Variants in PSMD14 observed in about 807,000 individuals in gnomAD.
PSMD14 encodes the protein proteasome 26S subunit, non-ATPase 14.
PSMD14 carries 7 observed loss-of-function variants against 41.2 expected under a neutral mutation model. The observed-to-expected ratio is 0.17, with a 90% CI of 0.10 to 0.32. PSMD14 has a LOEUF of 0.32. PSMD14 is among the 10% of genes least tolerant of loss of function. The pLI, the probability that PSMD14 is intolerant of heterozygous loss-of-function variation, is 1.00. For missense variants in PSMD14, 139 were observed against 375.6 expected (o/e 0.37, Z 5.21); for synonymous variants, 114 against 122.3 (o/e 0.93, Z 0.45).
intron 3 of PSMD14, among the ~76,000 whole-genome samples, chr2:161,352,467 G>T (rs1683132586): frequency 6.6e-6 from 1 of 151,970 alleles, no homozygotes; most frequent in Non-Finnish European, 1.5e-5. Flanking sequence ...CTTTTATTTT[G>T]CCACTAGAAT....
chr2:161,400,760 G>C lies in PSMD14; in HGVS notation c.771+5557G>C, dbSNP rs1436474821. Among the ~76,000 whole-genome samples the C allele has an allele frequency of 2.0e-5, 3 of 151,888 alleles. No homozygotes were observed. The East Asian group carries it at 5.8e-4, about 29-fold the overall frequency. ...GGGGTTTCACTCTGTTGCCTAGGCT[G>C]GTCTTGAACTCCTGGGCTCCAGCAA... On this transcript the variant is annotated intron_variant, in intron 10 of 11. Coordinates refer to ENST00000409682, the MANE Select transcript of PSMD14 (RefSeq NM_005805.6).
chr2:161,405,932 T>A (rs566148632), intron 10 of PSMD14, among the ~76,000 whole-genome samples: 1 of 152,044 alleles, frequency 6.6e-6, no homozygotes, highest in Non-Finnish European at 1.5e-5. Context: ...AAGCAAAGGC[T>A]AAGGGAATAG....
intron 8 of PSMD14, 82 bp downstream of exon 8, chr2:161,385,653 C>A: frequency 1.5e-6 from 1 of 681,134 alleles, no homozygotes; most frequent in Non-Finnish European, 2.4e-6. Context: ...AGTTCTAATT[C>A]TTAGCATTTT....
intron 3 of PSMD14, among the ~76,000 whole-genome samples, chr2:161,321,940 G>A (rs1477436742): frequency 6.6e-6 from 1 of 152,144 alleles, no homozygotes; most frequent in Non-Finnish European, 1.5e-5. Context: ...CGGCATACAT[G>A]AGCTTGATTG....
intron 10 of PSMD14, among the ~76,000 whole-genome samples, chr2:161,398,864 A>T (rs1194930897): frequency 1.3e-5 from 2 of 152,218 alleles, no homozygotes; most frequent in South Asian, 4.1e-4. Context: ...TGATAAAAAC[A>T]ACAGATATAA....
chr2:161,317,984 A>G (rs1008247695), intron 2 of PSMD14, among the ~76,000 whole-genome samples: 1 of 152,164 alleles, frequency 6.6e-6, no homozygotes, highest in Non-Finnish European at 1.5e-5. Context: ...TTAAGGCCAT[A>G]TAAGTACACT....
chr2:161,407,199 A>G (rs1299374719), intron 10 of PSMD14, among the ~76,000 whole-genome samples: 3 of 152,118 alleles, frequency 2.0e-5, no homozygotes, highest in Non-Finnish European at 4.4e-5. Flanking sequence ...TAATTTAGAA[A>G]AACATACTCT....
At chr2:161,390,480 T>C (rs1369459044) in intron 8 of PSMD14, among the ~76,000 whole-genome samples, 1 of 152,134 alleles carries the variant, frequency 6.6e-6, no homozygotes, top group African/African-American at 2.4e-5. Context: ...AAAGCCATGC[T>C]ATTAGCTTAA....
chr2:161,406,397 G>A lies in PSMD14; in HGVS notation c.772-2440G>A, dbSNP rs574161081. 9.2e-4 allele frequency among the ~76,000 whole-genome samples: 140 copies of A among 152,264 alleles called. 1 individual carries two copies. The highest frequency in any genetic ancestry group is 2.9e-3 in the African/African-American group (121 of 41,560). ...GTTGGTTGAGTAAACCGAAGAGCAC[G>A]AATGCAAAAGCAAAATTTGACGCCA... is the stretch of plus-strand genomic sequence containing the variant. On this transcript the variant is annotated intron_variant, in intron 10 of 11. Transcript: ENST00000409682.
intron 7 of PSMD14, among the ~76,000 whole-genome samples, chr2:161,376,922 A>G (rs1460688805): frequency 6.6e-6 from 1 of 151,926 alleles, no homozygotes. Context: ...AGTTTTTAGC[A>G]TATCCAAAAA....
intron 3 of PSMD14, among the ~76,000 whole-genome samples, chr2:161,365,888 A>G (rs1223227718): frequency 6.6e-6 from 1 of 152,142 alleles, no homozygotes; most frequent in East Asian, 1.9e-4. Flanking sequence ...ACCAGAATCA[A>G]TTCCTTCTGT....
intron 9 of PSMD14, among the ~76,000 whole-genome samples, chr2:161,391,717 G>A (rs994671622): frequency 6.6e-6 from 1 of 151,936 alleles, no homozygotes; most frequent in African/African-American, 2.4e-5. Context: ...ACAGCCTCCC[G>A]AGTAGCTGGG....
intron 3 of PSMD14, among the ~76,000 whole-genome samples, chr2:161,361,621 AAAAG>A (rs1683290477): frequency 6.6e-6 from 1 of 152,252 alleles, no homozygotes; most frequent in Non-Finnish European, 1.5e-5. Context: ...ACTTATGAGA[AAAAG>A]AAAACATAAA....
chr2:161,391,019 A>T (rs981504791), intron 8 of PSMD14, 85 bp from the exon 9 acceptor site: 2 of 1,225,816 alleles, frequency 1.6e-6, no homozygotes, highest in South Asian at 2.1e-5. Context: ...TACAGGTATT[A>T]TGTAAGAATA....
intron 3 of PSMD14, among the ~76,000 whole-genome samples, chr2:161,331,683 T>C (rs1682793050): frequency 6.6e-6 from 1 of 152,178 alleles, no homozygotes; most frequent in Admixed American, 6.5e-5. Context: ...GGAATGTCAT[T>C]GTAACATCTA....
intron 3 of PSMD14, among the ~76,000 whole-genome samples, chr2:161,328,843 G>A (rs1682742451): frequency 6.6e-6 from 1 of 152,038 alleles, no homozygotes; most frequent in Non-Finnish European, 1.5e-5. Flanking sequence ...TCTCTCTTTA[G>A]TACACAAACA....
intron 3 of PSMD14, chr2:161,340,999 C>A: frequency 6.2e-7 from 1 of 1,611,852 alleles, no homozygotes; most frequent in Non-Finnish European, 8.5e-7. Flanking sequence ...CTCGCCTCCA[C>A]CGCCTGCTCC....
intron 3 of PSMD14, among the ~76,000 whole-genome samples, chr2:161,322,789 T>G (rs768868928): frequency 6.6e-6 from 1 of 152,176 alleles, no homozygotes; most frequent in East Asian, 1.9e-4. Flanking sequence ...TTGAGGCCAC[T>G]TGGTCTTAGT....
intron 3 of PSMD14, among the ~76,000 whole-genome samples, chr2:161,335,511 C>G (rs1682855753): frequency 6.6e-6 from 1 of 152,226 alleles, no homozygotes; most frequent in South Asian, 2.1e-4. Context: ...AAACTGGATT[C>G]TAGAGATTGT....
Sources: gnomAD v4.1 joint callset for allele counts (sites outside exome capture counted in the v4.1 genomes callset) on GRCh38, gnomAD v4.1.1 for gene constraint, MANE v1.5 for transcripts, NCBI Gene and HGNC (gene_info 2026-07-23, HGNC 2026-07-21) for gene names.